Variants in ALK observed in about 807,000 individuals in gnomAD.
ALK encodes ALK tyrosine kinase receptor.
Under a neutral mutation model 163.1 loss-of-function variants are expected in ALK, and 74 were observed. The ratio of observed to expected loss-of-function variants is 0.45; its 90% CI spans 0.38 to 0.55. The LOEUF (loss-of-function observed/expected upper bound fraction) is 0.55. Among genes scored for constraint, ALK ranks in the 20% least tolerant of loss-of-function variants. The pLI, the probability that ALK is intolerant of heterozygous loss-of-function variation, is 0.00. For missense variants in ALK, 2,063 were observed against 2,105.3 expected (o/e 0.98, Z 0.39); for synonymous variants, 960 against 843.2 (o/e 1.14, Z -2.40).
chr2:29,364,571 A>G (rs1487795428), intron 5 of ALK, among the ~76,000 whole-genome samples: 2 of 152,214 alleles, frequency 1.3e-5, no homozygotes. Flanking sequence ...CACTATCAAG[A>G]AAACTGAAGC....
chr2:29,853,203 TA>T (rs1262107201), intron 1 of ALK, among the ~76,000 whole-genome samples: 1 of 152,204 alleles, frequency 6.6e-6, no homozygotes, highest in African/African-American at 2.4e-5. Context: ...CTTTTATTTT[TA>T]TCTCTCCACT....
chr2:29,494,494 A>G (rs1271856923), intron 4 of ALK, among the ~76,000 whole-genome samples: 2 of 152,246 alleles, frequency 1.3e-5, no homozygotes, highest in African/African-American at 4.8e-5. Context: ...GAGGGCCATG[A>G]TCCTATGAGA....
At chr2:29,687,697 C>T (rs974923751) in intron 3 of ALK, among the ~76,000 whole-genome samples, 1 of 152,060 alleles carries the variant, frequency 6.6e-6, no homozygotes. Context: ...TCCTTACAGA[C>T]TTTATCCTTA....
At chr2:29,603,960 T>G (rs1013432879) in intron 3 of ALK, among the ~76,000 whole-genome samples, 4 of 152,150 alleles carry the variant, frequency 2.6e-5, no homozygotes, top group Admixed American at 2.0e-4. Flanking sequence ...TTCCTTCCTA[T>G]GCAATTGGTG....
In ALK at chr2:29,591,495, G is replaced by C. The variant is rs148012148; in HGVS notation, c.953-59379C>G. The stretch of plus-strand genomic sequence containing the variant: ...ACCTCCCCAGTCACACCCCAGGGCC[G>C]TGAAACATTAAGGCTGATGACTAAA... On this transcript the variant is annotated intron_variant, in intron 3 of 28. Transcript: ENST00000389048. Among the ~76,000 whole-genome samples, 832 of 152,294 alleles carry C rather than the reference G, an allele frequency of 5.5e-3. 3 individuals carry two copies. Among genetic ancestry groups the C allele is most frequent in the Non-Finnish European group, 9.8e-3 (668 of 68,034 alleles).
intron 3 of ALK, among the ~76,000 whole-genome samples, chr2:29,558,617 G>T (rs751841873): frequency 4.0e-5 from 6 of 151,840 alleles, no homozygotes; most frequent in Non-Finnish European, 5.9e-5. Context: ...TCCATTTAAG[G>T]GTCACCTCCT....
intron 1 of ALK, among the ~76,000 whole-genome samples, chr2:29,849,076 G>T (rs1177509569): frequency 1.3e-5 from 2 of 152,016 alleles, no homozygotes; most frequent in Non-Finnish European, 2.9e-5. Context: ...GAGCGTCCTC[G>T]AGCTGCCCCC....
rs1187640035 is a variant in ALK at position 29,315,403 on chromosome 2, C to T, written c.1647+2901G>A. Among the ~76,000 whole-genome samples, 4 of 152,136 alleles carry T rather than the reference C, an allele frequency of 2.6e-5. No homozygotes were observed. The South Asian group carries it at 6.2e-4, about 24-fold the overall frequency. The stretch of plus-strand genomic sequence containing the variant: ...TCTCCCACCCGCTTCTCTTCTCCCC[C>T]GCCTCCATCATTTCTCATCCCTTTT... On this transcript the variant is annotated intron_variant, in intron 8 of 28. Transcript: ENST00000389048.
In ALK at chr2:29,517,226, C is replaced by T. The variant is rs534001012; in HGVS notation, c.1154+14689G>A. Among the ~76,000 whole-genome samples, 94 of 152,196 alleles carry T rather than the reference C, an allele frequency of 6.2e-4. No homozygotes were observed. In the Middle Eastern group the frequency reaches 0.024, roughly 39 times the overall value. ...TTAGGGGCAGCACAGAGAGAAGTGA[C>T]CCTCAGGAACGGGGAGTCCAGGTTA... On this transcript the variant is annotated intron_variant, in intron 4 of 28. Coordinates refer to ENST00000389048, the MANE Select transcript of ALK (RefSeq NM_004304.5).
intron 1 of ALK, among the ~76,000 whole-genome samples, chr2:29,912,409 G>A (rs1667729826): frequency 4.6e-5 from 7 of 151,982 alleles, no homozygotes; most frequent in Admixed American, 4.6e-4. Context: ...GAAGGACACA[G>A]GAACAAAATA....
chr2:29,608,197 C>T (rs928275085), intron 3 of ALK, among the ~76,000 whole-genome samples: 19 of 152,170 alleles, frequency 1.2e-4, no homozygotes, highest in Non-Finnish European at 2.4e-4. Context: ...TGCTCCCTTG[C>T]CATGCTTTCT....
chr2:29,700,366 G>T (rs1334405157), intron 2 of ALK, among the ~76,000 whole-genome samples: 1 of 152,160 alleles, frequency 6.6e-6, no homozygotes, highest in Non-Finnish European at 1.5e-5. Context: ...CCAAAATGGA[G>T]AAACCCTGTC....
At chr2:29,519,608 G>A (rs1217967464) in intron 4 of ALK, among the ~76,000 whole-genome samples, 3 of 152,202 alleles carry the variant, frequency 2.0e-5, no homozygotes, top group Non-Finnish European at 2.9e-5. Flanking sequence ...GAGACTGTCC[G>A]TAAGTTAGAC....
At chr2:29,416,978 GCTTT>G (rs1412776950) in intron 4 of ALK, among the ~76,000 whole-genome samples, 4 of 116,018 alleles carry the variant, frequency 3.4e-5, no homozygotes, top group African/African-American at 1.3e-4. Flanking sequence ...GATGTTTGAT[GCTTT>G]TTTTTTTTTT....
In ALK at chr2:29,785,912, T is replaced by TACAC. The variant is rs10524599; in HGVS notation, c.668-68219_668-68216dup. On this transcript the variant is annotated intron_variant, in intron 1 of 28. Transcript: ENST00000389048. ...ACATAGGGGGAAATGTTTTTGAGTA[T>TACAC]ACACACACACACACACACACACACA... Among the ~76,000 whole-genome samples the TACAC allele has an allele frequency of 5.7e-3, 842 of 146,704 alleles. 3 individuals are homozygous for TACAC. Among genetic ancestry groups the TACAC allele is most frequent in the South Asian group, 0.014 (65 of 4,560 alleles).
chr2:29,637,490 T>G lies in ALK; in HGVS notation c.952+57360A>C, dbSNP rs145801989. ...AAAAAAGCAACAGGCGGGTGGATCA[T>G]TTGAGGTTGGGAGTTCGAGGCCAGC... On this transcript the variant is annotated intron_variant, in intron 3 of 28. Coordinates refer to ENST00000389048, the MANE Select transcript of ALK (RefSeq NM_004304.5). Among the ~76,000 whole-genome samples, 268 of 152,114 alleles carry G rather than the reference T, an allele frequency of 1.8e-3. 2 individuals carry two copies. The East Asian group carries it at 0.046, about 26-fold the overall frequency.
At chr2:29,770,241 C>A (rs922666308) in intron 1 of ALK, among the ~76,000 whole-genome samples, 1 of 152,220 alleles carries the variant, frequency 6.6e-6, no homozygotes, top group Non-Finnish European at 1.5e-5. Flanking sequence ...CATTGGATTG[C>A]CAGAATCATG....
intron 12 of ALK, among the ~76,000 whole-genome samples, chr2:29,247,920 C>A (rs1182869956): frequency 6.6e-6 from 1 of 152,180 alleles, no homozygotes; most frequent in Non-Finnish European, 1.5e-5. Context: ...AGATGAACTG[C>A]ACTTATTAAA....
intron 3 of ALK, among the ~76,000 whole-genome samples, chr2:29,563,460 C>T (rs753689624): frequency 6.6e-6 from 1 of 152,176 alleles, no homozygotes; most frequent in Non-Finnish European, 1.5e-5. Flanking sequence ...ACATGCCCTT[C>T]CACAGTGACC....
Sources: gnomAD v4.1 joint callset for allele counts (sites outside exome capture counted in the v4.1 genomes callset) on GRCh38, gnomAD v4.1.1 for gene constraint, MANE v1.5 for transcripts, NCBI Gene and HGNC (gene_info 2026-07-23, HGNC 2026-07-21) for gene names.